ATRNL1: variants seen among roughly 807,000 people sequenced by gnomAD.
The protein encoded by ATRNL1 is attractin-like protein 1.
A neutral mutation model predicts 182.7 loss-of-function variants in ATRNL1; 95 were observed. The observed-to-expected ratio is 0.52, with a 90% confidence interval of 0.44 to 0.62. The LOEUF (loss-of-function observed/expected upper bound fraction) is 0.62. Among genes scored for constraint, ATRNL1 ranks in the 20% least tolerant of loss-of-function variants. The pLI, the probability that ATRNL1 is intolerant of heterozygous loss-of-function variation, is 0.00. For synonymous variants in ATRNL1, 576 were observed against 568.3 expected (o/e 1.01, Z -0.19); for missense variants, 1,471 against 1,679.5 (o/e 0.88, Z 2.17).
chr10:115,487,305 G>A (rs1554975405), intron 24 of ATRNL1, among the ~76,000 whole-genome samples: 1 of 152,080 alleles, frequency 6.6e-6, no homozygotes, highest in Non-Finnish European at 1.5e-5. Context: ...GATGGGGATA[G>A]CATTGACTCT....
At chr10:115,481,494 A>C (rs1049546486) in intron 24 of ATRNL1, among the ~76,000 whole-genome samples, 3 of 150,900 alleles carry the variant, frequency 2.0e-5, no homozygotes, top group Non-Finnish European at 4.5e-5. Flanking sequence ...CTTATAAAAT[A>C]TTTTTATCTA....
intron 21 of ATRNL1, among the ~76,000 whole-genome samples, chr10:115,458,753 G>GCTTA (rs1847652016): frequency 2.0e-5 from 3 of 152,050 alleles, no homozygotes; most frequent in Admixed American, 2.0e-4. Flanking sequence ...GCTTATTAAT[G>GCTTA]CTTAGTTGCA....
chr10:115,701,400 GA>G (rs1946732320), intron 26 of ATRNL1, among the ~76,000 whole-genome samples: 1 of 151,684 alleles, frequency 6.6e-6, no homozygotes, highest in Non-Finnish European at 1.5e-5. Flanking sequence ...AGAGGAACTA[GA>G]AAAACAAAAA....
intron 28 of ATRNL1, among the ~76,000 whole-genome samples, chr10:115,896,312 C>A (rs1037515120): frequency 5.3e-5 from 8 of 152,156 alleles, no homozygotes; most frequent in African/African-American, 1.7e-4. Context: ...TTAAAGATAT[C>A]ACTTTTTTAT....
intron 21 of ATRNL1, among the ~76,000 whole-genome samples, chr10:115,441,990 T>C (rs1554965822): frequency 6.6e-6 from 1 of 152,012 alleles, no homozygotes; most frequent in African/African-American, 2.4e-5. Context: ...CAAGGCACTG[T>C]CATTTTGACT....
chr10:115,799,172 A>T (rs1949732632), intron 27 of ATRNL1, among the ~76,000 whole-genome samples: 1 of 152,040 alleles, frequency 6.6e-6, no homozygotes, highest in Non-Finnish European at 1.5e-5. Flanking sequence ...CATTTATAAT[A>T]CCTGTCTCTT....
At chr10:115,250,263 C>A (rs781966308) in intron 10 of ATRNL1, among the ~76,000 whole-genome samples, 1 of 152,198 alleles carries the variant, frequency 6.6e-6, no homozygotes, top group Non-Finnish European at 1.5e-5. Context: ...CACTTGATTA[C>A]CCATGGTCAA....
chr10:115,442,303 C>CTCTCTGTGTG lies in ATRNL1; in HGVS notation c.3322+16002_3322+16003insCTCTGTGTGT, dbSNP rs782157017. Among the ~76,000 whole-genome samples the CTCTCTGTGTG allele has an allele frequency of 4.8e-5, 6 of 123,856 alleles. No homozygotes were observed. In the South Asian group the frequency reaches 1.0e-3, roughly 21 times the overall value. 81.3% of individuals were successfully genotyped at this position (123,856 alleles called of 152,430 possible). On this transcript the variant is annotated intron_variant, in intron 21 of 28. Transcript: ENST00000355044. ...TCTCTCTCTCTCTCTCTCTCTCTCT[C>CTCTCTGTGTG]TGTGTGTATGTGTGTGTGTAAACAA...
At chr10:115,336,552 T>C (rs1855489570) in intron 19 of ATRNL1, among the ~76,000 whole-genome samples, 1 of 152,200 alleles carries the variant, frequency 6.6e-6, no homozygotes, top group Non-Finnish European at 1.5e-5. Flanking sequence ...AAATATACTA[T>C]GAGATGTTTT....
chr10:115,525,755 C>T (rs1851178197), intron 25 of ATRNL1, among the ~76,000 whole-genome samples: 2 of 152,146 alleles, frequency 1.3e-5, no homozygotes, highest in Non-Finnish European at 1.5e-5. Flanking sequence ...GCTCCATTCC[C>T]TGGAATCCTC....
intron 26 of ATRNL1, among the ~76,000 whole-genome samples, chr10:115,669,782 G>T (rs1045702292): frequency 6.6e-6 from 1 of 152,026 alleles, no homozygotes; most frequent in African/African-American, 2.4e-5. Context: ...TACAACTTTG[G>T]TCAAATTTCA....
At chr10:115,555,432 A>G (rs1056060554) in intron 26 of ATRNL1, among the ~76,000 whole-genome samples, 10 of 151,922 alleles carry the variant, frequency 6.6e-5, no homozygotes, top group African/African-American at 2.4e-4. Context: ...TTTGTATATC[A>G]GAACTATTTC....
Position 115,424,744 on chromosome 10 carries a change from AG to A in ATRNL1, c.3270-1505del, listed in dbSNP as rs782534569. Among the ~76,000 whole-genome samples, 79 of 152,126 alleles carry A rather than the reference AG, an allele frequency of 5.2e-4. 1 individual carries two copies. Among genetic ancestry groups the A allele is most frequent in the Non-Finnish European group, 1.8e-4 (12 of 67,992 alleles). On this transcript the variant is annotated intron_variant, in intron 20 of 28. Coordinates refer to ENST00000355044, the MANE Select transcript of ATRNL1 (RefSeq NM_207303.4). ...GACTGATCTCATACAAGTTGAGAGT[AG>A]AATTGTGGTTATGAGAATTGTGGTT...
At chr10:115,791,926 T>C (rs921583177) in intron 27 of ATRNL1, among the ~76,000 whole-genome samples, 1 of 152,210 alleles carries the variant, frequency 6.6e-6, no homozygotes, top group Admixed American at 6.5e-5. Flanking sequence ...TTCTGCTATT[T>C]GTTACCTATT....
intron 27 of ATRNL1, among the ~76,000 whole-genome samples, chr10:115,801,087 A>G (rs1949781768): frequency 6.6e-6 from 1 of 152,230 alleles, no homozygotes; most frequent in South Asian, 2.1e-4. Context: ...ACCTAAACAC[A>G]GGCTTGCCCA....
chr10:115,544,668 A>G (rs1554993114), intron 25 of ATRNL1, among the ~76,000 whole-genome samples: 1 of 151,998 alleles, frequency 6.6e-6, no homozygotes, highest in Non-Finnish European at 1.5e-5. Flanking sequence ...CACCTCCAAC[A>G]CTGGGATTAC....
intron 28 of ATRNL1, among the ~76,000 whole-genome samples, chr10:115,889,932 G>T (rs1430019345): frequency 6.6e-6 from 1 of 152,158 alleles, no homozygotes; most frequent in Admixed American, 6.5e-5. Flanking sequence ...ATATTCTAAA[G>T]CCAGGGTGAT....
intron 26 of ATRNL1, among the ~76,000 whole-genome samples, chr10:115,701,183 TA>T (rs1489482050): frequency 6.6e-6 from 1 of 151,956 alleles, no homozygotes; most frequent in Non-Finnish European, 1.5e-5. Context: ...CATGGAAATT[TA>T]AAAACCTGCC....
At chr10:115,237,283 T>C (rs1850226690) in intron 9 of ATRNL1, among the ~76,000 whole-genome samples, 1 of 152,316 alleles carries the variant, frequency 6.6e-6, no homozygotes, top group Non-Finnish European at 1.5e-5. Flanking sequence ...TCCTGGATGG[T>C]ATGGTAAAGT....
Sources: gnomAD v4.1 joint callset for allele counts (sites outside exome capture counted in the v4.1 genomes callset) on GRCh38, gnomAD v4.1.1 for gene constraint, MANE v1.5 for transcripts, NCBI Gene and HGNC (gene_info 2026-07-23, HGNC 2026-07-21) for gene names.